RSPO3: variants seen among roughly 807,000 people sequenced by gnomAD.
RSPO3 encodes R-spondin-3.
Under a neutral mutation model 36.5 loss-of-function variants are expected in RSPO3, and 17 were observed. The ratio of observed to expected loss-of-function variants is 0.47; its 90% CI spans 0.32 to 0.70. RSPO3 has a LOEUF of 0.70. Among genes scored for constraint, RSPO3 ranks in the 30% least tolerant of loss-of-function variants. RSPO3 has a pLI of 0.04. For synonymous variants in RSPO3, 108 were observed against 107.0 expected (o/e 1.01, Z -0.06); for missense variants, 294 against 322.5 (o/e 0.91, Z 0.68).
chr6:127,125,243 A>G (rs1337437923), intron 1 of RSPO3, among the ~76,000 whole-genome samples: 2 of 152,034 alleles, frequency 1.3e-5, no homozygotes, highest in East Asian at 1.9e-4. Context: ...CATCTAATCT[A>G]CTCTTCAAAA....
chr6:127,191,398 A>G (rs1256898995), intron 4 of RSPO3, among the ~76,000 whole-genome samples: 2 of 152,194 alleles, frequency 1.3e-5, no homozygotes, highest in African/African-American at 4.8e-5. Flanking sequence ...TGGGCCCCTC[A>G]TAAGAACCAC....
At chr6:127,154,719 C>T (rs780053291) in intron 3 of RSPO3, among the ~76,000 whole-genome samples, 1 of 152,156 alleles carries the variant, frequency 6.6e-6, no homozygotes, top group Non-Finnish European at 1.5e-5. Flanking sequence ...TCAGCATTAC[C>T]TGTATTGTTA....
intron 2 of RSPO3, 139 bp from the exon 3 acceptor site, chr6:127,150,287 C>A (rs1445773541): frequency 4.3e-6 from 3 of 703,526 alleles, no homozygotes; most frequent in East Asian, 5.6e-5. Flanking sequence ...ATCGTGAATT[C>A]AGTCTGGCAA....
At chr6:127,134,519 A>T (rs796368096) in intron 1 of RSPO3, among the ~76,000 whole-genome samples, 76 of 152,316 alleles carry the variant, frequency 5.0e-4, no homozygotes, top group African/African-American at 1.8e-3. Flanking sequence ...TAAAACATAC[A>T]AGTCAATCTA....
intron 1 of RSPO3, among the ~76,000 whole-genome samples, chr6:127,124,190 T>A (rs1485825510): frequency 1.3e-5 from 2 of 152,076 alleles, no homozygotes; most frequent in African/African-American, 2.4e-5. Context: ...ATATACTGAT[T>A]TGCCAAATTG....
chr6:127,170,434 T>TAAACAC (rs1554221940), intron 4 of RSPO3, among the ~76,000 whole-genome samples: 1 of 148,892 alleles, frequency 6.7e-6, no homozygotes, highest in African/African-American at 2.5e-5. Flanking sequence ...GTTCCACACA[T>TAAACAC]ACACACACAC....
At chr6:127,194,091 C>T (rs924303107) in intron 4 of RSPO3, among the ~76,000 whole-genome samples, 2 of 152,092 alleles carry the variant, frequency 1.3e-5, no homozygotes, top group Non-Finnish European at 2.9e-5. Context: ...AGTCTCATGA[C>T]AAAGCTAGAT....
At chr6:127,166,288 T>C (rs1289378781) in intron 4 of RSPO3, among the ~76,000 whole-genome samples, 3 of 152,124 alleles carry the variant, frequency 2.0e-5, no homozygotes, top group East Asian at 1.9e-4. Flanking sequence ...CATTCTGCTA[T>C]TGATGGATTG....
At chr6:127,170,607 A>AT (rs1403038754) in intron 4 of RSPO3, among the ~76,000 whole-genome samples, 2 of 151,774 alleles carry the variant, frequency 1.3e-5, no homozygotes, top group African/African-American at 4.8e-5. Flanking sequence ...CAATAGCTAA[A>AT]AGTTGGGGTG....
At chr6:127,124,576 T>C (rs1448454217) in intron 1 of RSPO3, among the ~76,000 whole-genome samples, 3 of 151,736 alleles carry the variant, frequency 2.0e-5, no homozygotes, top group African/African-American at 7.3e-5. Flanking sequence ...TTTTTTTTGC[T>C]TGGCCTTTGA....
chr6:127,172,061 G>C (rs1207233977), intron 4 of RSPO3, among the ~76,000 whole-genome samples: 1 of 150,904 alleles, frequency 6.6e-6, no homozygotes, highest in Non-Finnish European at 1.5e-5. Flanking sequence ...CTAACTACAA[G>C]CACCTAAAGT....
chr6:127,169,554 A>T (rs1467032038), intron 4 of RSPO3, among the ~76,000 whole-genome samples: 1 of 151,958 alleles, frequency 6.6e-6, no homozygotes, highest in Non-Finnish European at 1.5e-5. Flanking sequence ...ATAAAACATC[A>T]GAATAAGTCA....
At chr6:127,155,194 A>C (rs1774568419) in intron 3 of RSPO3, 47 bp from the exon 4 acceptor site, 13 of 1,573,010 alleles carry the variant, frequency 8.3e-6, no homozygotes, top group Non-Finnish European at 1.1e-5. Context: ...AACAATAGTG[A>C]AAGTGGTTGT....
At chr6:127,168,517 G>C (rs1429409916) in intron 4 of RSPO3, among the ~76,000 whole-genome samples, 2 of 151,838 alleles carry the variant, frequency 1.3e-5, no homozygotes, top group Admixed American at 1.3e-4. Context: ...TTTTCAAATG[G>C]GTAGATTGCA....
intron 1 of RSPO3, among the ~76,000 whole-genome samples, chr6:127,128,366 ACTCCACCCTTGAACAAATAAAACTATCTT>A (rs545781751): frequency 3.3e-4 from 50 of 152,090 alleles, no homozygotes; most frequent in Middle Eastern, 3.4e-3. Flanking sequence ...TAATGCCCAG[ACTCCACCCTTGAACAAATAAAACTATCTT>A]CTCCACCCTT....
intron 4 of RSPO3, among the ~76,000 whole-genome samples, chr6:127,188,512 T>C (rs1775342557): frequency 6.6e-6 from 1 of 151,914 alleles, no homozygotes; most frequent in Non-Finnish European, 1.5e-5. Context: ...TCATTAAAGC[T>C]TCAAAAATGT....
intron 4 of RSPO3, among the ~76,000 whole-genome samples, chr6:127,188,097 A>C (rs886239524): frequency 1.3e-5 from 2 of 152,150 alleles, no homozygotes; most frequent in African/African-American, 2.4e-5. Flanking sequence ...CAGGCAGCAG[A>C]AGCAATGAGG....
Position 127,145,146 on chromosome 6 carries a change from C to A in RSPO3, c.98-3502C>A, listed in dbSNP as rs1372647936. ...CTGCAGGCTTTTACTCCCCTGGTAGCCCCTCCCCTCTCTATTCACTGGCTG... is the reference window on the plus strand; with the variant it reads ...CTGCAGGCTTTTACTCCCCTGGTAGACCCTCCCCTCTCTATTCACTGGCTG... On this transcript the variant is annotated intron_variant, in intron 1 of 4. Transcript: ENST00000356698. Among the ~76,000 whole-genome samples the A allele has an allele frequency of 3.3e-5, 5 of 150,586 alleles. No individual in the cohort carries two copies. The South Asian group carries it at 1.1e-3, about 32-fold the overall frequency.
intron 4 of RSPO3, among the ~76,000 whole-genome samples, chr6:127,192,278 G>T (rs1775427057): frequency 1.3e-5 from 2 of 152,094 alleles, no homozygotes; most frequent in South Asian, 4.1e-4. Flanking sequence ...CAGAGTAGGG[G>T]CTTTGTTCAT....
Sources: gnomAD v4.1 joint callset for allele counts (sites outside exome capture counted in the v4.1 genomes callset) on GRCh38, gnomAD v4.1.1 for gene constraint, MANE v1.5 for transcripts, NCBI Gene and HGNC (gene_info 2026-07-23, HGNC 2026-07-21) for gene names.